Variants in DGKI observed in about 807,000 individuals in gnomAD.
DGKI encodes the protein DAG kinase iota.
In DGKI, 55 loss-of-function variants were observed where a neutral mutation model predicts 147.5. The observed-to-expected ratio is 0.37, with a 90% CI of 0.30 to 0.47. The LOEUF is 0.47. Ranked by LOEUF, DGKI falls within the 20% of genes least tolerant of loss-of-function variation. The probability of loss-of-function intolerance (pLI) is 1.00; values close to 1 mark genes in which losing one functional copy is unlikely to be tolerated. For synonymous variants in DGKI, 469 were observed against 477.1 expected (o/e 0.98, Z 0.22); for missense variants, 1,007 against 1,323.8 (o/e 0.76, Z 3.71).
chr7:137,569,805 T>C (rs1235358059), intron 19 of DGKI, among the ~76,000 whole-genome samples: 1 of 143,964 alleles, frequency 6.9e-6, no homozygotes, highest in East Asian at 2.1e-4. Flanking sequence ...TTCCTAAACT[T>C]AATCCTATTT....
At chr7:137,760,012 A>G (rs1795810071) in intron 1 of DGKI, among the ~76,000 whole-genome samples, 1 of 152,118 alleles carries the variant, frequency 6.6e-6, no homozygotes, top group African/African-American at 2.4e-5. Flanking sequence ...AAATATATGT[A>G]CCCTGAGACA....
chr7:137,661,489 G>C (rs117722401), intron 3 of DGKI, among the ~76,000 whole-genome samples: 154 of 152,260 alleles, frequency 1.0e-3, no homozygotes, highest in Non-Finnish European at 1.7e-3. Context: ...GAAAGGGCCA[G>C]AGGGGGGCCA....
At chr7:137,638,573 TATGTATATATAC>T (rs1821471636) in intron 6 of DGKI, among the ~76,000 whole-genome samples, 2 of 105,644 alleles carry the variant, frequency 1.9e-5, no homozygotes, top group East Asian at 3.2e-4. Context: ...TACACACATA[TATGTATATATAC>T]ACATATATAC....
In DGKI at chr7:137,733,315, T is replaced by C. The variant is rs201268758; in HGVS notation, c.402-43313A>G. Among the ~76,000 whole-genome samples, 8 of 152,190 alleles carry C rather than the reference T, an allele frequency of 5.3e-5. No homozygotes were observed. The East Asian group carries it at 1.5e-3, about 29-fold the overall frequency. On this transcript the variant is annotated intron_variant, in intron 1 of 32. Coordinates refer to ENST00000614521, the MANE Select transcript of DGKI (RefSeq NM_001321708.2). ...CTCTATGTATTTGATGACTGTTAAGTACCTTATTTAAGTGAAATCATACTG... is the reference window on the plus strand; with the variant it reads ...CTCTATGTATTTGATGACTGTTAAGCACCTTATTTAAGTGAAATCATACTG...
chr7:137,424,789 G>C (rs895467487), intron 28 of DGKI, among the ~76,000 whole-genome samples: 2 of 152,198 alleles, frequency 1.3e-5, no homozygotes, highest in African/African-American at 4.8e-5. Context: ...CTGATTGCTA[G>C]CACAGCAGTC....
Position 137,381,847 on chromosome 7 carries a change from T to G in DGKI, c.*9373A>C, listed in dbSNP as rs1811068692. The G allele has an allele frequency of 6.6e-6, 1 of 152,138 alleles. No individual in the cohort carries two copies. Among genetic ancestry groups the G allele is most frequent in the African/African-American group, 2.4e-5 (1 of 41,446 alleles). 9.4% of individuals were successfully genotyped at this position (152,138 alleles called of 1,614,324 possible). A position where few individuals can be genotyped will look rare whatever the true frequency, so the allele number is the denominator to read the frequency against. ...ATTTTGTCTATGAGAGTTCTAAATC[T>G]CCTTCCCCAGGATGGCAAGAATCCA... On this transcript the variant is annotated 3_prime_UTR_variant, in exon 33 of 33. Transcript: ENST00000614521.
At chr7:137,784,834 T>C (rs1038006749) in intron 1 of DGKI, among the ~76,000 whole-genome samples, 1 of 151,882 alleles carries the variant, frequency 6.6e-6, no homozygotes, top group Admixed American at 6.6e-5. Context: ...CTCAAAACCA[T>C]ATAAGCACAT....
intron 1 of DGKI, among the ~76,000 whole-genome samples, chr7:137,808,683 T>C (rs887403880): frequency 1.3e-5 from 2 of 152,108 alleles, no homozygotes; most frequent in Non-Finnish European, 2.9e-5. Context: ...TCTGGGAATA[T>C]CAGGAAAGGC....
chr7:137,714,732 AT>A (rs1239029179), intron 1 of DGKI, among the ~76,000 whole-genome samples: 1 of 152,196 alleles, frequency 6.6e-6, no homozygotes, highest in African/African-American at 2.4e-5. Flanking sequence ...TATCTCTAAA[AT>A]TACTCCTTGC....
chr7:137,715,221 C>A (rs1299959504), intron 1 of DGKI, among the ~76,000 whole-genome samples: 1 of 152,292 alleles, frequency 6.6e-6, no homozygotes, highest in Non-Finnish European at 1.5e-5. Flanking sequence ...GAAAACCTCC[C>A]TCGGTGATTC....
Position 137,526,556 on chromosome 7 carries a change from A to T in DGKI, c.2148-4590T>A, listed in dbSNP as rs532335373. Among the ~76,000 whole-genome samples, 2 of 152,032 alleles carry T rather than the reference A, an allele frequency of 1.3e-5. 1 individual carries two copies. Among genetic ancestry groups the T allele is most frequent in the East Asian group, 3.9e-4 (2 of 5,124 alleles). On this transcript the variant is annotated intron_variant, in intron 20 of 32. Transcript: ENST00000614521. ...CCATAATAAGAGCACTTGTTGAATC[A>T]CTCAGATGGGTTTCCAGTAACCTCC...
chr7:137,657,320 G>A (rs570361199), intron 3 of DGKI, among the ~76,000 whole-genome samples: 2 of 152,320 alleles, frequency 1.3e-5, no homozygotes, highest in African/African-American at 4.8e-5. Flanking sequence ...AGGCACAGCA[G>A]GGCCAAGTGG....
chr7:137,404,593 A>C (rs950900697), intron 30 of DGKI, among the ~76,000 whole-genome samples: 11 of 152,188 alleles, frequency 7.2e-5, no homozygotes, highest in African/African-American at 2.7e-4. Flanking sequence ...GTGCTATTAG[A>C]GATCCTGGTG....
intron 20 of DGKI, among the ~76,000 whole-genome samples, chr7:137,534,825 T>A (rs146635718): frequency 2.0e-5 from 3 of 152,236 alleles, no homozygotes; most frequent in Non-Finnish European, 2.9e-5. Context: ...TTCTAACCCA[T>A]AGCTCTTCAG....
chr7:137,831,620 C>T (rs918971353), intron 1 of DGKI, among the ~76,000 whole-genome samples: 4 of 152,186 alleles, frequency 2.6e-5, no homozygotes, highest in African/African-American at 9.7e-5. Flanking sequence ...TATGGGAGTA[C>T]AATTCAAGAT....
At chr7:137,583,021 C>T (rs945488896) in intron 14 of DGKI, among the ~76,000 whole-genome samples, 6 of 152,066 alleles carry the variant, frequency 3.9e-5, no homozygotes, top group Non-Finnish European at 8.8e-5. Context: ...TCATATGCCC[C>T]TTGATTAGCA....
chr7:137,652,620 G>A (rs1028822735), intron 5 of DGKI, among the ~76,000 whole-genome samples: 4 of 152,076 alleles, frequency 2.6e-5, no homozygotes, highest in South Asian at 4.2e-4. Flanking sequence ...CTCACCCTGC[G>A]CATGGCCCAC....
chr7:137,412,149 T>C (rs1477312940), intron 29 of DGKI, 21 bp downstream of exon 29: 1 of 1,611,060 alleles, frequency 6.2e-7, no homozygotes, highest in East Asian at 2.2e-5. Flanking sequence ...TCGCCAAAGA[T>C]TTGGTAGGAA....
chr7:137,764,222 T>C (rs1795941878), intron 1 of DGKI, among the ~76,000 whole-genome samples: 1 of 150,446 alleles, frequency 6.6e-6, no homozygotes, highest in Non-Finnish European at 1.5e-5. Flanking sequence ...GGTGGCACCC[T>C]GGGAAGCTGT....
Sources: allele counts gnomAD v4.1 joint callset (sites outside exome capture counted in the v4.1 genomes callset), GRCh38; gene constraint gnomAD v4.1.1; transcripts MANE v1.5; gene names NCBI Gene and HGNC (gene_info 2026-07-23, HGNC 2026-07-21).